Variants in DCC observed in about 807,000 individuals in gnomAD.
DCC encodes the protein netrin receptor DCC.
DCC carries 58 observed loss-of-function variants against 172.5 expected under a neutral mutation model. That is an observed-to-expected ratio of 0.34 (90% CI 0.27 to 0.42). DCC has a LOEUF of 0.42. DCC is among the 10% of genes least tolerant of loss of function. The pLI, the probability that DCC is intolerant of heterozygous loss-of-function variation, is 1.00. For missense variants in DCC, 1,740 were observed against 1,791.0 expected (o/e 0.97, Z 0.51); for synonymous variants, 709 against 644.5 (o/e 1.10, Z -1.52).
intron 12 of DCC, 30 bp downstream of exon 12, chr18:53,215,627 T>C: frequency 3.8e-6 from 6 of 1,572,000 alleles, no homozygotes; most frequent in Non-Finnish European, 5.3e-6. Flanking sequence ...ACTACTCCAT[T>C]ACCTATCAAG....
intron 7 of DCC, among the ~76,000 whole-genome samples, chr18:53,142,415 CGTT>C (rs1207315044): frequency 6.6e-6 from 1 of 151,928 alleles, no homozygotes; most frequent in African/African-American, 2.4e-5. Context: ...TTAACACTGT[CGTT>C]GTTCCTTTTT....
intron 2 of DCC, among the ~76,000 whole-genome samples, chr18:52,830,424 T>C (rs899180514): frequency 6.6e-6 from 1 of 152,150 alleles, no homozygotes; most frequent in African/African-American, 2.4e-5. Flanking sequence ...TTTAAGGTCC[T>C]TTTCACTCAG....
chr18:53,490,963 G>A (rs186964994), intron 26 of DCC, among the ~76,000 whole-genome samples: 15 of 152,178 alleles, frequency 9.9e-5, no homozygotes, highest in East Asian at 3.9e-4. Flanking sequence ...GATATATTCC[G>A]TCTTGAGGAA....
At chr18:53,386,011 A>G in intron 15 of DCC, 32 bp from the exon 16 acceptor site, 1 of 1,357,722 alleles carries the variant, frequency 7.4e-7, no homozygotes, top group South Asian at 1.2e-5. Context: ...AAATATATCA[A>G]CACGTTCATA....
intron 12 of DCC, among the ~76,000 whole-genome samples, chr18:53,302,233 A>G (rs180943021): frequency 9.7e-4 from 147 of 152,274 alleles, no homozygotes; most frequent in African/African-American, 3.2e-3. Context: ...ACTTCAACAT[A>G]TGACTCTTGG....
chr18:53,085,125 C>A (rs1322990382), intron 7 of DCC, among the ~76,000 whole-genome samples: 1 of 152,056 alleles, frequency 6.6e-6, no homozygotes, highest in Non-Finnish European at 1.5e-5. Context: ...ACAGTCCCCA[C>A]TGAAAGAACA....
At chr18:53,269,781 C>T (rs2056727173) in intron 12 of DCC, among the ~76,000 whole-genome samples, 1 of 152,112 alleles carries the variant, frequency 6.6e-6, no homozygotes, top group South Asian at 2.1e-4. Flanking sequence ...AGAAATTGCA[C>T]TCTAGAGTCT....
intron 2 of DCC, among the ~76,000 whole-genome samples, chr18:52,860,359 A>C (rs111324127): frequency 0.015 from 2,354 of 152,300 alleles, 58 homozygotes; most frequent in African/African-American, 0.051. Flanking sequence ...GCTTCAAGAA[A>C]AGCACAGTTT....
chr18:53,177,484 A>G (rs1286710430), intron 8 of DCC, among the ~76,000 whole-genome samples: 1 of 152,196 alleles, frequency 6.6e-6, no homozygotes, highest in Non-Finnish European at 1.5e-5. Flanking sequence ...CCTAAAATAT[A>G]TAATGGCTCA....
intron 24 of DCC, among the ~76,000 whole-genome samples, chr18:53,462,152 C>T (rs2045567033): frequency 6.6e-6 from 1 of 152,146 alleles, no homozygotes; most frequent in African/African-American, 2.4e-5. Flanking sequence ...TTCTGGGTCT[C>T]TTATGAAACA....
At chr18:52,844,963 A>G (rs995029287) in intron 2 of DCC, among the ~76,000 whole-genome samples, 1 of 152,196 alleles carries the variant, frequency 6.6e-6, no homozygotes, top group East Asian at 1.9e-4. Flanking sequence ...TAAAGGAAGG[A>G]GAAGAATTTG....
chr18:52,891,348 C>T (rs2039647765), intron 2 of DCC, among the ~76,000 whole-genome samples: 1 of 152,002 alleles, frequency 6.6e-6, no homozygotes. Context: ...GTGTCTATTA[C>T]ATTAGTTTTG....
chr18:52,618,697 A>T (rs149926641), intron 1 of DCC, among the ~76,000 whole-genome samples: 164 of 152,300 alleles, frequency 1.1e-3, no homozygotes, highest in African/African-American at 3.7e-3. Flanking sequence ...AAAATGACAC[A>T]ATTCTTCAGC....
chr18:53,265,986 T>G lies in DCC; in HGVS notation c.1912-39592T>G, dbSNP rs111433221. On this transcript the variant is annotated intron_variant, in intron 12 of 28. Transcript: ENST00000442544. ...CTGGCATTCTCTCTTGAGCTCTACT[T>G]TAAGCCACCCTGCCTGTGGACATAT... is the stretch of plus-strand genomic sequence containing the variant. 2.6e-5 allele frequency among the ~76,000 whole-genome samples: 4 copies of G among 152,302 alleles called. 1 individual carries two copies. Among genetic ancestry groups the G allele is most frequent in the African/African-American group, 9.6e-5 (4 of 41,570 alleles).
intron 5 of DCC, among the ~76,000 whole-genome samples, chr18:52,992,567 G>A (rs190397160): frequency 6.6e-6 from 1 of 152,260 alleles, no homozygotes; most frequent in East Asian, 1.9e-4. Context: ...AAAGATGCCA[G>A]ATACCACCTC....
intron 1 of DCC, among the ~76,000 whole-genome samples, chr18:52,419,937 A>T (rs948008213): frequency 2.0e-5 from 3 of 152,190 alleles, no homozygotes; most frequent in African/African-American, 7.2e-5. Context: ...GCACTTTGTT[A>T]TTCCCATTTT....
intron 5 of DCC, among the ~76,000 whole-genome samples, chr18:52,930,247 G>C (rs1387870328): frequency 2.0e-5 from 3 of 152,000 alleles, no homozygotes; most frequent in Non-Finnish European, 4.4e-5. Context: ...TTACAGGCAT[G>C]AGCCATCGCA....
intron 5 of DCC, among the ~76,000 whole-genome samples, chr18:53,033,510 A>T (rs773665067): frequency 6.6e-6 from 1 of 152,126 alleles, no homozygotes; most frequent in Non-Finnish European, 1.5e-5. Context: ...GAGAGTGTCC[A>T]TGTATTCTAA....
At chr18:52,694,619 G>A (rs7229286) in intron 1 of DCC, among the ~76,000 whole-genome samples, 62,631 of 151,604 alleles carry the variant, frequency 0.41, 13,222 homozygotes, top group Non-Finnish European at 0.47. Flanking sequence ...AAAAATATAG[G>A]GAGTTGCAGC....
Sources: allele counts gnomAD v4.1 joint callset (sites outside exome capture counted in the v4.1 genomes callset), GRCh38; gene constraint gnomAD v4.1.1; transcripts MANE v1.5; gene names NCBI Gene and HGNC (gene_info 2026-07-23, HGNC 2026-07-21).